ELOVL6: variants seen among roughly 807,000 people sequenced by gnomAD.
ELOVL6 encodes ELOVL fatty acid elongase 6.
Under a neutral mutation model 31.7 loss-of-function variants are expected in ELOVL6, and 8 were observed. That is an observed-to-expected ratio of 0.25 (90% CI 0.15 to 0.45). The LOEUF (loss-of-function observed/expected upper bound fraction) is 0.45, where lower values mean the gene tolerates loss of function less well. ELOVL6 is among the 20% of genes least tolerant of loss of function. The probability of loss-of-function intolerance (pLI) is 1.00; values close to 1 mark genes in which losing one functional copy is unlikely to be tolerated. For missense variants in ELOVL6, 126 were observed against 326.4 expected (o/e 0.39, Z 4.73); for synonymous variants, 101 against 117.7 (o/e 0.86, Z 0.92).
chr4:110,178,240 A>G (rs1427308812), intron 1 of ELOVL6, among the ~76,000 whole-genome samples: 1 of 137,848 alleles, frequency 7.3e-6, no homozygotes, highest in Non-Finnish European at 1.6e-5. Context: ...GAAAACTATG[A>G]TAATATTTTT....
chr4:110,061,579 C>T lies in ELOVL6; in HGVS notation c.222-1825G>A, dbSNP rs771171388. ...TTTTTTTTTTTTTTTTTTTTTGAGACAGAATCTCGCTCTCTCAGCCAGGCT... is the reference window on the plus strand; with the variant it reads ...TTTTTTTTTTTTTTTTTTTTTGAGATAGAATCTCGCTCTCTCAGCCAGGCT... On this transcript the variant is annotated intron_variant, in intron 2 of 3. Coordinates refer to ENST00000302274, the MANE Select transcript of ELOVL6 (RefSeq NM_024090.3). 1.2e-4 allele frequency among the ~76,000 whole-genome samples: 8 copies of T among 65,894 alleles called. No homozygotes were observed. The Admixed American group carries it at 1.7e-3, about 14-fold the overall frequency. 43.2% of individuals were successfully genotyped at this position (65,894 alleles called of 152,430 possible). A position where few individuals can be genotyped will look rare whatever the true frequency, so the allele number is the denominator to read the frequency against.
intron 2 of ELOVL6, among the ~76,000 whole-genome samples, chr4:110,079,516 G>C (rs1755765398): frequency 6.6e-6 from 1 of 152,000 alleles, no homozygotes; most frequent in Non-Finnish European, 1.5e-5. Context: ...AATGAAAGCA[G>C]AAATAAAGAT....
chr4:110,070,144 A>G (rs1180414930), intron 2 of ELOVL6, among the ~76,000 whole-genome samples: 1 of 152,286 alleles, frequency 6.6e-6, no homozygotes, highest in East Asian at 1.9e-4. Flanking sequence ...TATGGAAGAG[A>G]TGCCACAACG....
At chr4:110,192,503 C>G (rs1404504462) in intron 1 of ELOVL6, among the ~76,000 whole-genome samples, 1 of 152,116 alleles carries the variant, frequency 6.6e-6, no homozygotes, top group Non-Finnish European at 1.5e-5. Context: ...CTGAAGATCA[C>G]AAAATTTTAC....
At chr4:110,117,920 A>ATATATATATATATATATATATATT (rs1560830553) in intron 1 of ELOVL6, 1 of 27,460 alleles carries the variant, frequency 3.6e-5, no homozygotes, top group African/African-American at 2.0e-4. Context: ...ATATATATAT[A>ATATATATATATATATATATATATT]TATATCTCCC....
intron 1 of ELOVL6, among the ~76,000 whole-genome samples, chr4:110,123,876 T>G (rs1346476599): frequency 6.6e-6 from 1 of 152,248 alleles, no homozygotes; most frequent in Non-Finnish European, 1.5e-5. Flanking sequence ...TAAGTTTGCA[T>G]AGTCATAAAT....
chr4:110,047,469 G>A lies in ELOVL6; in HGVS notation c.*3869C>T, dbSNP rs1754722969. The stretch of plus-strand genomic sequence containing the variant: ...TAACCTGAGCATCTTGTCTCTCCCA[G>A]GTAATTCAGAAGCTGGGGCTATGGC... On this transcript the variant is annotated 3_prime_UTR_variant, in exon 4 of 4. Coordinates refer to ENST00000302274, the MANE Select transcript of ELOVL6 (RefSeq NM_024090.3). The A allele has an allele frequency of 6.6e-6, 1 of 152,198 alleles. No homozygotes were observed. Among genetic ancestry groups the A allele is most frequent in the African/African-American group, 2.4e-5 (1 of 41,432 alleles). The allele number at this position is 152,198 out of a possible 1,614,324, so 9.4% of individuals were successfully genotyped here.
At chr4:110,090,600 C>CTTTTTTGTTTTTTTTTTTTTTTTTTTTTT (rs1553956743) in intron 2 of ELOVL6, among the ~76,000 whole-genome samples, 17 of 103,700 alleles carry the variant, frequency 1.6e-4, no homozygotes, top group Non-Finnish European at 2.2e-4. Flanking sequence ...GTTTGACTTT[C>CTTTTTTGTTTTTTTTTTTTTTTTTTTTTT]TTTTTTTTTT....
At chr4:110,138,082 G>C (rs576050656) in intron 1 of ELOVL6, among the ~76,000 whole-genome samples, 2 of 152,146 alleles carry the variant, frequency 1.3e-5, no homozygotes, top group Admixed American at 1.3e-4. Flanking sequence ...GTTCTTCCAC[G>C]TTATTGCTTA....
At chr4:110,141,227 C>G (rs10028031) in intron 1 of ELOVL6, among the ~76,000 whole-genome samples, 74,305 of 151,948 alleles carry the variant, frequency 0.49, 19,099 homozygotes, top group East Asian at 0.62. Context: ...CCACACCCAG[C>G]TAATTTTGTA....
At position 110,050,856 on chromosome 4, in the gene ELOVL6, T is replaced by G. The variant is rs960486053; in HGVS notation, c.*482A>C. On this transcript the variant is annotated 3_prime_UTR_variant, in exon 4 of 4. Coordinates refer to ENST00000302274, the MANE Select transcript of ELOVL6 (RefSeq NM_024090.3). ...ATTATCGTTCTAGATATACACCCTG[T>G]GTCTCTTTCATTTTTGTCTTTTCTA... 2 of 162,372 alleles carry G rather than the reference T, an allele frequency of 1.2e-5. No individual in the cohort carries two copies. The highest frequency in any genetic ancestry group is 1.2e-4 in the Admixed American group (2 of 17,088). 10.1% of individuals were successfully genotyped at this position (162,372 alleles called of 1,614,324 possible).
chr4:110,181,252 A>G (rs1759263482), intron 1 of ELOVL6, among the ~76,000 whole-genome samples: 1 of 152,044 alleles, frequency 6.6e-6, no homozygotes, highest in African/African-American at 2.4e-5. Flanking sequence ...TTCAAGACCA[A>G]CCTGGGCAAC....
At chr4:110,188,656 G>C (rs376667236) in intron 1 of ELOVL6, among the ~76,000 whole-genome samples, 2 of 152,252 alleles carry the variant, frequency 1.3e-5, no homozygotes, top group East Asian at 1.9e-4. Flanking sequence ...GGGAGGCCGA[G>C]GTGGGAGGAT....
chr4:110,173,084 T>C (rs918604874), intron 1 of ELOVL6, among the ~76,000 whole-genome samples: 1 of 152,232 alleles, frequency 6.6e-6, no homozygotes, highest in Non-Finnish European at 1.5e-5. Context: ...TTTATTGCCA[T>C]AATAGTGTAC....
Position 110,051,818 on chromosome 4 carries a change from C to G in ELOVL6, c.374-56G>C, listed in dbSNP as rs563786079. The stretch of plus-strand genomic sequence containing the variant: ...GATCCTTGACCACCAGTAACGATGA[C>G]TTACAGTTTTGTAAGAGGGTAGACA... On this transcript the variant is annotated intron_variant, in intron 3 of 3. Coordinates refer to ENST00000302274, the MANE Select transcript of ELOVL6 (RefSeq NM_024090.3). This position sits in a 1 kb window ranked among gnomAD's most constrained non-coding sequence, Gnocchi z 4.8. 6.7e-7 allele frequency: 1 copy of G among 1,481,678 alleles called. No homozygotes were observed. Among genetic ancestry groups the G allele is most frequent in the Non-Finnish European group, 9.2e-7 (1 of 1,083,492 alleles). The allele number at this position is 1,481,678 out of a possible 1,614,324, so 91.8% of individuals were successfully genotyped here.
Position 110,051,558 on chromosome 4 carries a change from T to G in ELOVL6, c.578A>C (p.Lys193Thr). 6.2e-7 allele frequency: 1 copy of G among 1,614,158 alleles called. No homozygotes were observed. Among genetic ancestry groups the G allele is most frequent in the African/African-American group, 1.3e-5 (1 of 75,060 alleles). ...GGACAAGGTGATGAACATGGCAAAC[T>G]TCCGGGAGACTCGGAAACCTGCCGC... ...LRAAGFRVSR[K>T]FAMFITLSQI... is the part of the protein sequence containing the mutation. Residue 193 changes from lysine to threonine, a missense_variant, in exon 4 of 4, where the codon AAG (lysine) becomes ACG (threonine). Physicochemically the swap from Lys to Thr is moderately conservative, Grantham distance 78. This residue lies in a region of ELOVL6 where 57 missense variants were observed against 110.2 expected (regional missense o/e 0.52). Coordinates refer to ENST00000302274, the MANE Select transcript of ELOVL6 (RefSeq NM_024090.3). The surrounding 1 kb of genome is among the most constrained non-coding windows in gnomAD (Gnocchi z 4.8).
At chr4:110,177,333 A>G (rs943935934) in intron 1 of ELOVL6, among the ~76,000 whole-genome samples, 2 of 152,120 alleles carry the variant, frequency 1.3e-5, no homozygotes, top group Admixed American at 6.6e-5. Flanking sequence ...ACTACTTGGG[A>G]GGCTAAGATA....
At chr4:110,175,101 C>T (rs764543778) in intron 1 of ELOVL6, among the ~76,000 whole-genome samples, 3 of 151,562 alleles carry the variant, frequency 2.0e-5, no homozygotes, top group Admixed American at 1.3e-4. Flanking sequence ...ACATAAGTAT[C>T]GGCCAGTCAC....
chr4:110,160,539 C>T (rs970358547), intron 1 of ELOVL6, among the ~76,000 whole-genome samples: 6 of 152,114 alleles, frequency 3.9e-5, no homozygotes, highest in African/African-American at 1.4e-4. Context: ...TTTGCATAGG[C>T]GTGCTAGTTT....
Sources: allele counts gnomAD v4.1 joint callset (sites outside exome capture counted in the v4.1 genomes callset), GRCh38; gene constraint gnomAD v4.1.1; regional missense constraint gnomAD v4.1.1; non-coding constraint Gnocchi (gnomAD v3.1); transcripts MANE v1.5; gene names NCBI Gene and HGNC (gene_info 2026-07-23, HGNC 2026-07-21).